The following MOCS1 variants were observed in gnomAD, a reference collection of about 807,000 sequenced individuals.
The protein encoded by MOCS1 is molybdenum cofactor biosynthesis protein 1.
MOCS1 carries 39 observed loss-of-function variants against 57.6 expected under a neutral mutation model. That is an observed-to-expected ratio of 0.68 (90% CI 0.52 to 0.88). The LOEUF (loss-of-function observed/expected upper bound fraction) is 0.88, where lower values mean the gene tolerates loss of function less well. Ranked by LOEUF, MOCS1 falls within the 40% of genes least tolerant of loss-of-function variation. The pLI is 0.00. For missense variants in MOCS1, 795 were observed against 831.1 expected (o/e 0.96, Z 0.53); for synonymous variants, 334 against 335.7 (o/e 1.00, Z 0.05).
At chr6:39,919,819 C>CA (rs368000434) in intron 3 of MOCS1, among the ~76,000 whole-genome samples, 136 of 152,106 alleles carry the variant, frequency 8.9e-4, no homozygotes, top group African/African-American at 3.1e-3. Context: ...ATTGAATTCC[C>CA]AAAAATCATC....
chr6:39,920,196 T>C (rs2149411924), intron 3 of MOCS1, among the ~76,000 whole-genome samples: 1 of 152,352 alleles, frequency 6.6e-6, no homozygotes, highest in Non-Finnish European at 1.5e-5. Context: ...AACTTCATTC[T>C]TAAACATGAA....
intron 3 of MOCS1, among the ~76,000 whole-genome samples, chr6:39,920,007 T>C (rs1441758105): frequency 1.3e-5 from 2 of 152,106 alleles, no homozygotes; most frequent in African/African-American, 4.8e-5. Context: ...TTACACATGG[T>C]GTAACTTGTT....
intron 4 of MOCS1, among the ~76,000 whole-genome samples, chr6:39,915,448 G>A (rs948812764): frequency 6.6e-6 from 1 of 152,154 alleles, no homozygotes; most frequent in Admixed American, 6.5e-5. Context: ...CCAACCTGAA[G>A]AGCCTTTGCC....
chr6:39,910,922 G>A (rs1003281148), intron 8 of MOCS1, among the ~76,000 whole-genome samples: 2 of 151,626 alleles, frequency 1.3e-5, no homozygotes, highest in African/African-American at 2.4e-5. Context: ...CTGCTTTGAT[G>A]TATCTGGCAG....
intron 1 of MOCS1, among the ~76,000 whole-genome samples, chr6:39,931,523 T>C (rs1158092288): frequency 6.6e-6 from 1 of 152,008 alleles, no homozygotes; most frequent in African/African-American, 2.4e-5. Context: ...CCTCCCCTCA[T>C]TCCCACCCTA....
At chr6:39,930,048 G>A (rs1768566174) in intron 1 of MOCS1, among the ~76,000 whole-genome samples, 1 of 151,570 alleles carries the variant, frequency 6.6e-6, no homozygotes, top group South Asian at 2.1e-4. Context: ...CTAGACTTAT[G>A]CAGACTGCAC....
In MOCS1 at chr6:39,909,909, C is replaced by T. The variant is rs781187745; in HGVS notation, c.1028G>A (p.Arg343Gln). Reference sequence around the variant, plus strand: ...CAGCTCCTGCTCAGAGGCCCCAGCTCGCAGGTGATCCCGCAGGGATACCTC... The same window carrying T: ...CAGCTCCTGCTCAGAGGCCCCAGCTTGCAGGTGATCCCGCAGGGATACCTC... The part of the protein sequence containing the change: ...NSEVSLRDHL[R>Q]AGASEQELLR... Residue 343 changes from arginine (R) to glutamine (Q), a missense_variant, in exon 9 of 11, where the codon CGA (arginine) becomes CAA (glutamine). Physicochemically the swap from Arg to Gln is conservative, Grantham distance 43. Transcript: ENST00000340692. The T allele has an allele frequency of 1.5e-5, 24 of 1,613,780 alleles. No individual in the cohort carries two copies. The highest frequency in any genetic ancestry group is 4.5e-5 in the East Asian group (2 of 44,894).
At chr6:39,932,587 C>T (rs151226578) in intron 1 of MOCS1, among the ~76,000 whole-genome samples, 253 of 152,308 alleles carry the variant, frequency 1.7e-3, no homozygotes, top group Non-Finnish European at 3.1e-3. Flanking sequence ...GATAGAAAGG[C>T]GGAGGTGCAC....
In MOCS1 at chr6:39,912,336, G is replaced by A. The variant is rs777530002; in HGVS notation, c.909C>T (p.Phe303=). 2 of 1,614,158 alleles carry A rather than the reference G, an allele frequency of 1.2e-6. No individual in the cohort carries two copies. The highest frequency in any genetic ancestry group is 1.7e-6 in the Non-Finnish European group (2 of 1,180,020). Residue 303 remains phenylalanine, a synonymous_variant, in exon 8 of 11, where the codon TTC becomes TTT. Transcript: ENST00000340692. ...AGAAATGCTCAGACATGGATGTGATGAAGCTGATCTGGCCTTGGAAGCCAG... is the reference window on the plus strand; with the variant it reads ...AGAAATGCTCAGACATGGATGTGATAAAGCTGATCTGGCCTTGGAAGCCAG... ...KIPGFQGQIS[F]ITSMSEHFCG... is the part of the protein sequence containing the mutation.
chr6:39,906,083 G>C lies in MOCS1; in HGVS notation c.*274C>G, dbSNP rs1386785271. 1.5e-6 allele frequency: 1 copy of C among 655,376 alleles called. No individual in the cohort carries two copies. Among genetic ancestry groups the C allele is most frequent in the African/African-American group, 1.8e-5 (1 of 56,048 alleles). 40.6% of individuals were successfully genotyped at this position (655,376 alleles called of 1,614,324 possible). On this transcript the variant is annotated 3_prime_UTR_variant, in exon 11 of 11. Coordinates refer to ENST00000340692, the MANE Select transcript of MOCS1 (RefSeq NM_001358530.2). ...AAAGAACATGATTTCTCAGTTATCTGGCATTGCTTGTTGCAGTCCCGCTCC... is the reference window on the plus strand; with the variant it reads ...AAAGAACATGATTTCTCAGTTATCTCGCATTGCTTGTTGCAGTCCCGCTCC...
At chr6:39,910,419 G>A (rs1465038730) in intron 8 of MOCS1, among the ~76,000 whole-genome samples, 2 of 152,106 alleles carry the variant, frequency 1.3e-5, no homozygotes, top group South Asian at 2.1e-4. Context: ...TCACCTGACT[G>A]CCCTGTACCT....
chr6:39,924,995 A>G (rs1173961343), intron 3 of MOCS1, among the ~76,000 whole-genome samples: 1 of 152,150 alleles, frequency 6.6e-6, no homozygotes, highest in African/African-American at 2.4e-5. Flanking sequence ...AAGGAGAGTC[A>G]CTTGAACCTG....
chr6:39,905,005 C>T lies in MOCS1; in HGVS notation c.*1352G>A, dbSNP rs772982305. On this transcript the variant is annotated 3_prime_UTR_variant, in exon 11 of 11. Transcript: ENST00000340692. ...GAAATTTTGCAAGCCATTTGACATACTGGTAGCTTGAAATTATTCAACATG... is the reference window on the plus strand; with the variant it reads ...GAAATTTTGCAAGCCATTTGACATATTGGTAGCTTGAAATTATTCAACATG... The T allele has an allele frequency of 8.8e-6, 4 of 453,922 alleles. No homozygotes were observed. Among genetic ancestry groups the T allele is most frequent in the South Asian group, 4.7e-5 (3 of 64,480 alleles). 28.1% of individuals were successfully genotyped at this position (453,922 alleles called of 1,614,324 possible). A position where few individuals can be genotyped will look rare whatever the true frequency, so the allele number is the denominator to read the frequency against.
intron 7 of MOCS1, among the ~76,000 whole-genome samples, chr6:39,912,591 A>T (rs1196685538): frequency 1.3e-5 from 2 of 152,200 alleles, no homozygotes; most frequent in African/African-American, 4.8e-5. Context: ...AAAGCTGCTA[A>T]GGCAGGGACC....
Position 39,912,276 on chromosome 6 carries a change from A to C in MOCS1, c.969T>G (p.Asp323Glu). 2.5e-6 allele frequency: 4 copies of C among 1,612,302 alleles called. No homozygotes were observed. The highest frequency in any genetic ancestry group is 3.4e-6 in the Non-Finnish European group (4 of 1,179,392). Residue 323 changes from aspartate to glutamate, a missense_variant, in exon 8 of 11, where the codon GAT (aspartate) becomes GAG (glutamate). Coordinates refer to ENST00000340692, the MANE Select transcript of MOCS1 (RefSeq NM_001358530.2). ...AGGGGATGCTCACCTTGAGGTTCCC[A>C]TCAGCTGTGATTCGCAGGCGGTTGC... is the stretch of plus-strand genomic sequence containing the variant. ...GTCNRLRITADGNLKVCLFGN... is the reference protein window; with the variant it reads ...GTCNRLRITAEGNLKVCLFGN...
intron 2 of MOCS1, among the ~76,000 whole-genome samples, chr6:39,926,126 G>A (rs1268533891): frequency 6.6e-6 from 1 of 152,254 alleles, no homozygotes; most frequent in Non-Finnish European, 1.5e-5. Context: ...GGTTAGAGAT[G>A]AAGTAGGCTG....
In MOCS1 at chr6:39,927,313, C is replaced by T. The variant is rs540414106; in HGVS notation, c.250+16G>A. On this transcript the variant is annotated intron_variant, in intron 2 of 10. Transcript: ENST00000340692. The stretch of plus-strand genomic sequence containing the variant: ...GATGGACACCAGCCCAGAGAGGGCC[C>T]AGGAAGGTGACTCACATCTGAGGTT... 1.9e-6 allele frequency: 3 copies of T among 1,609,260 alleles called. No individual in the cohort carries two copies. The highest frequency in any genetic ancestry group is 2.5e-6 in the Non-Finnish European group (3 of 1,178,008).
In MOCS1 at chr6:39,904,448, T is replaced by C. The variant is rs73732316; in HGVS notation, c.*1909A>G. On this transcript the variant is annotated 3_prime_UTR_variant, in exon 11 of 11. Coordinates refer to ENST00000340692, the MANE Select transcript of MOCS1 (RefSeq NM_001358530.2). ...TTAATAGGTTGTTTCTTGGTCTTGC[T>C]TTCTTCATGCCCTCCCCACTGCTCC... 7.8e-3 allele frequency: 3,542 copies of C among 454,704 alleles called. 112 individuals carry two copies. Among genetic ancestry groups the C allele is most frequent in the African/African-American group, 0.064 (3,183 of 50,116 alleles). The allele number at this position is 454,704 out of a possible 1,614,324, so 28.2% of individuals were successfully genotyped here.
Position 39,912,358 on chromosome 6 carries a change from C to T in MOCS1, c.887G>A (p.Gly296Asp). 1.2e-6 allele frequency: 2 copies of T among 1,613,976 alleles called. No homozygotes were observed. ...SSTAKAFKIPGFQGQISFITS... is the reference protein window; with the variant it reads ...SSTAKAFKIPDFQGQISFITS... Reference sequence around the variant, plus strand: ...GATGAAGCTGATCTGGCCTTGGAAGCCAGGGATTTTAAAGGCCTGGGCAGG... The same window carrying T: ...GATGAAGCTGATCTGGCCTTGGAAGTCAGGGATTTTAAAGGCCTGGGCAGG... The change falls in exon 8 of 11, where the codon GGC (glycine) becomes GAC (aspartate). Residue 296 changes from glycine (G) to aspartate (D), a missense_variant. This residue lies in a region of MOCS1 where 5 missense variants were observed against 16.1 expected (regional missense o/e 0.31). Coordinates refer to ENST00000340692, the MANE Select transcript of MOCS1 (RefSeq NM_001358530.2).
Sources: allele counts gnomAD v4.1 joint callset (sites outside exome capture counted in the v4.1 genomes callset), GRCh38; gene constraint gnomAD v4.1.1; regional missense constraint gnomAD v4.1.1; transcripts MANE v1.5; gene names NCBI Gene and HGNC (gene_info 2026-07-23, HGNC 2026-07-21).